Variants in SH3GL3 observed in about 807,000 individuals in gnomAD.
SH3GL3 encodes endophilin-A3.
A neutral mutation model predicts 47.7 loss-of-function variants in SH3GL3; 33 were observed. That is an observed-to-expected ratio of 0.69 (90% CI 0.52 to 0.92). The LOEUF (loss-of-function observed/expected upper bound fraction) is 0.92, where lower values mean the gene tolerates loss of function less well. Among genes scored for constraint, SH3GL3 ranks in the 40% least tolerant of loss-of-function variants. The probability of loss-of-function intolerance (pLI) is 0.00; values close to 1 mark genes in which losing one functional copy is unlikely to be tolerated. For synonymous variants in SH3GL3, 155 were observed against 148.8 expected (o/e 1.04, Z -0.30); for missense variants, 363 against 417.8 (o/e 0.87, Z 1.14).
At chr15:83,585,008 C>T (rs891205033) in intron 6 of SH3GL3, among the ~76,000 whole-genome samples, 1 of 152,164 alleles carries the variant, frequency 6.6e-6, no homozygotes, top group Non-Finnish European at 1.5e-5. Context: ...CTGTGTTGGT[C>T]CCCATGGTCC....
chr15:83,465,084 C>T (rs1194100697), intron 1 of SH3GL3, among the ~76,000 whole-genome samples: 2 of 150,932 alleles, frequency 1.3e-5, no homozygotes, highest in African/African-American at 4.9e-5. Flanking sequence ...CCAAGGAGGG[C>T]GAATCACCTG....
chr15:83,457,156 A>G (rs1300980378), intron 1 of SH3GL3, among the ~76,000 whole-genome samples: 1 of 152,190 alleles, frequency 6.6e-6, no homozygotes, highest in Non-Finnish European at 1.5e-5. Context: ...GAAAGTACTA[A>G]TAGTCATATT....
At chr15:83,488,625 A>G (rs1249133855) in intron 1 of SH3GL3, among the ~76,000 whole-genome samples, 2 of 152,140 alleles carry the variant, frequency 1.3e-5, no homozygotes, top group Non-Finnish European at 2.9e-5. Flanking sequence ...AGAGCTGGTG[A>G]TTTGACAGCC....
At chr15:83,541,665 G>A (rs1005183808) in intron 1 of SH3GL3, among the ~76,000 whole-genome samples, 3 of 152,112 alleles carry the variant, frequency 2.0e-5, no homozygotes, top group African/African-American at 7.2e-5. Flanking sequence ...TTTAACTGGG[G>A]TAAGATGATA....
At chr15:83,585,689 G>T (rs1490799240) in intron 6 of SH3GL3, among the ~76,000 whole-genome samples, 1 of 152,164 alleles carries the variant, frequency 6.6e-6, no homozygotes, top group Non-Finnish European at 1.5e-5. Flanking sequence ...TTTGTTTATT[G>T]GGTTTTTGGA....
At chr15:83,477,734 T>C (rs1451055794) in intron 1 of SH3GL3, among the ~76,000 whole-genome samples, 2 of 152,166 alleles carry the variant, frequency 1.3e-5, no homozygotes, top group Admixed American at 1.3e-4. Context: ...TAAAGAAATG[T>C]GGGGCATTTA....
the SH3GL3 span, among the ~76,000 whole-genome samples, chr15:83,627,319 C>A: frequency 6.6e-6 from 1 of 151,554 alleles, no homozygotes; most frequent in Non-Finnish European, 1.5e-5. Context: ...ATGGGTTGAA[C>A]CCGGGAGGCA....
chr15:83,597,307 T>G (rs568331975), intron 8 of SH3GL3, among the ~76,000 whole-genome samples: 5 of 152,284 alleles, frequency 3.3e-5, no homozygotes, highest in Non-Finnish European at 7.3e-5. Context: ...GCTTCCGCCT[T>G]ATAAGGACCC....
chr15:83,543,351 T>G (rs1049167202), intron 1 of SH3GL3, among the ~76,000 whole-genome samples: 3 of 152,136 alleles, frequency 2.0e-5, no homozygotes, highest in Non-Finnish European at 4.4e-5. Context: ...ATGAATAATC[T>G]TTTTCTTGTG....
In SH3GL3 at chr15:83,587,051, G is replaced by A. The variant is rs774059408; in HGVS notation, c.693G>A (p.Glu231=). Residue 231 remains glutamate, a synonymous_variant, in exon 7 of 9, where the codon GAG becomes GAA. Transcript: ENST00000427482. The stretch of plus-strand genomic sequence containing the variant: ...TAGACTATCACAGACAGTCCACAGA[G>A]ATTCTGCAGGAGCTGCAGAGCAAGC... The part of the protein sequence containing the change: ...AALDYHRQST[E]ILQELQSKLQ... 5 of 1,610,088 alleles carry A rather than the reference G, an allele frequency of 3.1e-6. No homozygotes were observed. In the East Asian group the frequency reaches 1.1e-4, roughly 36 times the overall value.
downstream of SH3GL3, among the ~76,000 whole-genome samples, chr15:83,620,310 T>C (rs1295676486): frequency 6.6e-6 from 1 of 152,368 alleles, no homozygotes; most frequent in East Asian, 1.9e-4. Flanking sequence ...TCTAGAATAC[T>C]GAGTCCTTTC....
intron 8 of SH3GL3, chr15:83,609,253 G>A (rs914958233): frequency 6.6e-6 from 3 of 455,908 alleles, no homozygotes; most frequent in Non-Finnish European, 8.8e-6. Flanking sequence ...TACATAATCG[G>A]TTATCTGATT....
Position 83,450,802 on chromosome 15 carries a change from T to TTA in SH3GL3, c.45+3224_45+3225insTA, listed in dbSNP as rs879321946. Reference sequence around the variant, plus strand: ...GGTTATAGATTTTCTTTTTTTTTTTTAATTTTTTTTTTTCTATTATACTCT... The same window carrying TTA: ...GGTTATAGATTTTCTTTTTTTTTTTTTAAATTTTTTTTTTTCTATTATACTCT... On this transcript the variant is annotated intron_variant, in intron 1 of 8. Transcript: ENST00000427482. Among the ~76,000 whole-genome samples the TTA allele has an allele frequency of 6.4e-3, 119 of 18,628 alleles. 5 individuals carry two copies. Among genetic ancestry groups the TTA allele is most frequent in the East Asian group, 0.048 (52 of 1,076 alleles). 12.2% of individuals were successfully genotyped at this position (18,628 alleles called of 152,430 possible).
chr15:83,517,094 C>T (rs1280964266), intron 1 of SH3GL3, among the ~76,000 whole-genome samples: 2 of 152,036 alleles, frequency 1.3e-5, no homozygotes, highest in African/African-American at 4.8e-5. Flanking sequence ...TACATGTCTC[C>T]TAGAAGACTT....
At chr15:83,537,586 GA>G (rs1215670036) in intron 1 of SH3GL3, among the ~76,000 whole-genome samples, 1 of 151,730 alleles carries the variant, frequency 6.6e-6, no homozygotes, top group Non-Finnish European at 1.5e-5. Context: ...GATGGGGGTG[GA>G]GGGGCTCTGT....
At chr15:83,563,834 C>T (rs1271680927) in intron 2 of SH3GL3, among the ~76,000 whole-genome samples, 1 of 152,110 alleles carries the variant, frequency 6.6e-6, no homozygotes, top group Non-Finnish European at 1.5e-5. Context: ...GATAGGATTT[C>T]ACCATATTGG....
intron 1 of SH3GL3, among the ~76,000 whole-genome samples, chr15:83,529,481 C>T (rs2043568915): frequency 6.6e-6 from 1 of 152,008 alleles, no homozygotes; most frequent in Admixed American, 6.6e-5. Flanking sequence ...CTCAGGTCCC[C>T]AGGAGTACAA....
chr15:83,486,595 A>G (rs2041607701), intron 1 of SH3GL3, among the ~76,000 whole-genome samples: 1 of 152,166 alleles, frequency 6.6e-6, no homozygotes, highest in Non-Finnish European at 1.5e-5. Context: ...TCATGGCTGT[A>G]TAATATTCCA....
chr15:83,507,812 C>T (rs945810640), intron 1 of SH3GL3, among the ~76,000 whole-genome samples: 1 of 152,144 alleles, frequency 6.6e-6, no homozygotes, highest in Non-Finnish European at 1.5e-5. Flanking sequence ...GAGCAAAATC[C>T]ATGTATATCA....
Sources: allele counts gnomAD v4.1 joint callset (sites outside exome capture counted in the v4.1 genomes callset), GRCh38; gene constraint gnomAD v4.1.1; transcripts MANE v1.5; gene names NCBI Gene and HGNC (gene_info 2026-07-23, HGNC 2026-07-21).